NRP1: variants seen among roughly 807,000 people sequenced by gnomAD.
NRP1 encodes neuropilin 1.
A neutral mutation model predicts 106.7 loss-of-function variants in NRP1; 35 were observed. The observed-to-expected ratio is 0.33, with a 90% CI of 0.25 to 0.43. The LOEUF is 0.43. Among genes scored for constraint, NRP1 ranks in the 20% least tolerant of loss-of-function variants. The probability of loss-of-function intolerance (pLI) is 1.00; values close to 1 mark genes in which losing one functional copy is unlikely to be tolerated. For missense variants in NRP1, 1,024 were observed against 1,170.4 expected, an observed-to-expected ratio of 0.87 and a Z score of 1.83; for synonymous variants, 437 against 417.9, an observed-to-expected ratio of 1.05 and a Z score of -0.56.
intron 6 of NRP1, among the ~76,000 whole-genome samples, chr10:33,239,489 C>T (rs2133063945): frequency 6.6e-6 from 1 of 152,318 alleles, no homozygotes; most frequent in East Asian, 1.9e-4. Context: ...GAGCAACTGA[C>T]TTATACCCTT....
intron 6 of NRP1, chr10:33,249,422 T>C (rs1354213231): frequency 3.8e-6 from 2 of 520,514 alleles, no homozygotes. Context: ...GAGTGAAGGC[T>C]ACGTTATTTT....
At chr10:33,202,589 G>T in intron 11 of NRP1, 1 of 1,447,756 alleles carries the variant, frequency 6.9e-7, no homozygotes, top group Non-Finnish European at 9.2e-7. Context: ...TGAAAATAAT[G>T]AAAATAAGGA....
chr10:33,210,957 A>C (rs1471624502), intron 9 of NRP1, among the ~76,000 whole-genome samples: 1 of 152,218 alleles, frequency 6.6e-6, no homozygotes, highest in Non-Finnish European at 1.5e-5. Context: ...GGGTGTGTTA[A>C]GGAATCATAG....
chr10:33,283,509 A>G (rs980664996), intron 2 of NRP1, among the ~76,000 whole-genome samples: 1 of 152,218 alleles, frequency 6.6e-6, no homozygotes, highest in African/African-American at 2.4e-5. Flanking sequence ...ATATCTCTGG[A>G]TGTACAATAA....
intron 1 of NRP1, among the ~76,000 whole-genome samples, chr10:33,332,112 A>G (rs1433502512): frequency 6.6e-6 from 1 of 152,224 alleles, no homozygotes; most frequent in Admixed American, 6.5e-5. Flanking sequence ...GCATAAAGCT[A>G]CATGCATTAC....
intron 2 of NRP1, among the ~76,000 whole-genome samples, chr10:33,272,512 G>C (rs1025260967): frequency 3.9e-5 from 6 of 152,050 alleles, no homozygotes; most frequent in African/African-American, 1.4e-4. Context: ...GAAAGAGGAG[G>C]AGGAGGGGAG....
At chr10:33,304,818 A>G (rs562896555) in intron 2 of NRP1, among the ~76,000 whole-genome samples, 1 of 152,338 alleles carries the variant, frequency 6.6e-6, no homozygotes, top group East Asian at 1.9e-4. Context: ...CTTCTGGTGG[A>G]AGGGGAGCTC....
At position 33,241,875 on chromosome 10, in the gene NRP1, T is replaced by G. The variant is rs1035760067; in HGVS notation, c.981+12153A>C. On this transcript the variant is annotated intron_variant, in intron 6 of 16. Coordinates refer to ENST00000374867, the MANE Select transcript of NRP1 (RefSeq NM_003873.7). ...ATACATTCCAGTATTGAAAAAGAAA[T>G]GAATTGATTCTTAATCTGTTTGAAT... Among the ~76,000 whole-genome samples, 32 of 152,192 alleles carry G rather than the reference T, an allele frequency of 2.1e-4. 1 individual carries two copies. The highest frequency in any genetic ancestry group is 5.9e-5 in the Non-Finnish European group (4 of 68,030).
intron 2 of NRP1, 73 bp downstream of exon 2, chr10:33,330,635 G>A (rs1273037928): frequency 1.5e-6 from 2 of 1,350,936 alleles, no homozygotes; most frequent in Non-Finnish European, 2.0e-6. Flanking sequence ...TGTACACACC[G>A]ACTTCCCCCC....
intron 8 of NRP1, among the ~76,000 whole-genome samples, chr10:33,220,192 GT>G (rs1235814851): frequency 6.6e-6 from 1 of 152,096 alleles, no homozygotes; most frequent in African/African-American, 2.4e-5. Flanking sequence ...AACAAGTATA[GT>G]TTTTCCTGTT....
At chr10:33,248,571 G>C (rs1446429226) in intron 6 of NRP1, among the ~76,000 whole-genome samples, 1 of 152,180 alleles carries the variant, frequency 6.6e-6, no homozygotes, top group Non-Finnish European at 1.5e-5. Context: ...AAATGGGGAA[G>C]ACGTTAATAT....
intron 2 of NRP1, among the ~76,000 whole-genome samples, chr10:33,292,207 T>C (rs1845047185): frequency 6.6e-6 from 1 of 152,158 alleles, no homozygotes; most frequent in African/African-American, 2.4e-5. Context: ...ACAGATTTAG[T>C]TGTGAAGTCA....
intron 6 of NRP1, among the ~76,000 whole-genome samples, chr10:33,226,783 T>C (rs937974294): frequency 1.3e-5 from 2 of 152,220 alleles, no homozygotes; most frequent in African/African-American, 4.8e-5. Context: ...CTTTCAACCA[T>C]TGCCAATCAG....
At chr10:33,251,103 AT>A (rs1485236355) in intron 6 of NRP1, among the ~76,000 whole-genome samples, 1 of 152,082 alleles carries the variant, frequency 6.6e-6, no homozygotes, top group Non-Finnish European at 1.5e-5. Context: ...GTGGGAGGTG[AT>A]TTGATCATGG....
Position 33,186,371 on chromosome 10 carries a change from T to C in NRP1, c.2180A>G (p.His727Arg). ...NSAHCMTFWY[H>R]MSGSHVGTLR... Reference sequence around the variant, plus strand: ...TGTGCCGACGTGGGACCCAGACATGTGATACCAGAAGGTCATGCAGTGGGC... The same window carrying C: ...TGTGCCGACGTGGGACCCAGACATGCGATACCAGAAGGTCATGCAGTGGGC... The change falls in exon 14 of 17, where the codon CAC becomes CGC. Residue 727 changes from histidine (H) to arginine (R), a missense_variant. By Grantham distance (29) the His-to-Arg change is conservative (BLOSUM62 0). Around this residue, in one of 5 missense-constraint regions of NRP1, gnomAD observed 562 missense variants for 620.3 expected, o/e 0.91. Coordinates refer to ENST00000374867, the MANE Select transcript of NRP1 (RefSeq NM_003873.7). The C allele has an allele frequency of 6.2e-7, 1 of 1,614,076 alleles. No homozygotes were observed. Among genetic ancestry groups the C allele is most frequent in the Non-Finnish European group, 8.5e-7 (1 of 1,180,032 alleles).
chr10:33,198,148 T>TG (rs199552481), intron 11 of NRP1, among the ~76,000 whole-genome samples: 1 of 149,574 alleles, frequency 6.7e-6, no homozygotes, highest in Admixed American at 6.6e-5. Flanking sequence ...TTTTAAATTT[T>TG]TTTTTTTTTT....
rs180868035 is a variant in NRP1, at chr10:33,270,687, T to G, written c.418A>C (p.Ile140Leu). 91 of 1,609,672 alleles carry G rather than the reference T, an allele frequency of 5.7e-5. No homozygotes were observed. In the East Asian group the frequency reaches 1.9e-3, roughly 34 times the overall value. Reference protein sequence around the residue: ...HGAGFSIRYEIFKRGPECSQN... With the variant: ...HGAGFSIRYELFKRGPECSQN... ...GCTGTTCACTCACCTCTCTTGAAAA[T>G]TTCATAACGTATGGAAAATCCTGCA... Residue 140 changes from isoleucine to leucine, a missense_variant, in exon 3 of 17, where the codon ATT becomes CTT. Ile to Leu is a conservative substitution (Grantham distance 5, BLOSUM62 2). Transcript: ENST00000374867.
At chr10:33,273,033 T>C (rs2133313706) in intron 2 of NRP1, among the ~76,000 whole-genome samples, 1 of 135,792 alleles carries the variant, frequency 7.4e-6, no homozygotes, top group Admixed American at 8.8e-5. Flanking sequence ...CAATAGTAAA[T>C]ACTAGGCGCT....
chr10:33,290,630 T>C (rs548286724), intron 2 of NRP1, among the ~76,000 whole-genome samples: 1 of 152,320 alleles, frequency 6.6e-6, no homozygotes, highest in South Asian at 2.1e-4. Context: ...TTTCCAGCTT[T>C]TGTTCAATTA....
Sources: allele counts gnomAD v4.1 joint callset (sites outside exome capture counted in the v4.1 genomes callset), GRCh38; gene constraint gnomAD v4.1.1; regional missense constraint gnomAD v4.1.1; transcripts MANE v1.5; gene names NCBI Gene and HGNC (gene_info 2026-07-23, HGNC 2026-07-21).